CADM2: variants seen among roughly 807,000 people sequenced by gnomAD.
CADM2 encodes cell adhesion molecule 2, also known as immunoglobulin superfamily member 4D.
In CADM2, 12 loss-of-function variants were observed where a neutral mutation model predicts 49.8. That is an observed-to-expected ratio of 0.24 (90% CI 0.15 to 0.39). The LOEUF is 0.39. Ranked by LOEUF, CADM2 falls within the 10% of genes least tolerant of loss-of-function variation. The pLI, the probability that CADM2 is intolerant of heterozygous loss-of-function variation, is 1.00. For missense variants in CADM2, 378 were observed against 492.3 expected (o/e 0.77, Z 2.20); for synonymous variants, 214 against 175.4 (o/e 1.22, Z -1.74).
At chr3:85,855,227 A>G (rs2075261966) in intron 3 of CADM2, among the ~76,000 whole-genome samples, 1 of 152,108 alleles carries the variant, frequency 6.6e-6, no homozygotes, top group Non-Finnish European at 1.5e-5. Flanking sequence ...CCTCACTAGA[A>G]CACAGTAAAA....
intron 1 of CADM2, among the ~76,000 whole-genome samples, chr3:85,014,543 A>G (rs113634379): frequency 1.8e-4 from 28 of 152,086 alleles, no homozygotes; most frequent in African/African-American, 6.5e-4. Context: ...GGTTTGGAAT[A>G]TATCTTCCAT....
intron 1 of CADM2, among the ~76,000 whole-genome samples, chr3:85,627,354 A>AGACTCT (rs1270860922): frequency 6.6e-6 from 1 of 152,008 alleles, no homozygotes; most frequent in East Asian, 1.9e-4. Context: ...TTTCCTTATA[A>AGACTCT]GACTCTGATT....
chr3:85,193,315 C>T lies in CADM2; in HGVS notation c.61+233647C>T, dbSNP rs186204267. Among the ~76,000 whole-genome samples, 8 of 151,842 alleles carry T rather than the reference C, an allele frequency of 5.3e-5. No homozygotes were observed. The East Asian group carries it at 1.6e-3, about 30-fold the overall frequency. On this transcript the variant is annotated intron_variant, in intron 1 of 9. Transcript: ENST00000383699. ...GTGTCTTTATGCTGATGATGATAGA[C>T]TTTAAGGAGTCTATCTAAAAAATTT...
intron 1 of CADM2, among the ~76,000 whole-genome samples, chr3:85,676,553 A>C (rs564294786): frequency 6.6e-6 from 1 of 152,318 alleles, no homozygotes; most frequent in African/African-American, 2.4e-5. Flanking sequence ...CAAAGTTGGT[A>C]ATTAATGACA....
intron 1 of CADM2, among the ~76,000 whole-genome samples, chr3:85,200,094 T>G (rs1255042833): frequency 6.6e-6 from 1 of 152,066 alleles, no homozygotes; most frequent in African/African-American, 2.4e-5. Flanking sequence ...TAAAAGTCAA[T>G]GTGGAGTCTT....
At chr3:85,627,714 C>T (rs1263568046) in intron 1 of CADM2, among the ~76,000 whole-genome samples, 1 of 151,814 alleles carries the variant, frequency 6.6e-6, no homozygotes, top group Non-Finnish European at 1.5e-5. Context: ...AATCCAATGA[C>T]AAAACAAAAC....
chr3:85,769,215 A>G (rs2069857591), intron 2 of CADM2, among the ~76,000 whole-genome samples: 1 of 120,902 alleles, frequency 8.3e-6, no homozygotes, highest in South Asian at 2.4e-4. Context: ...ATATACATAT[A>G]TAGTATATAT....
intron 1 of CADM2, among the ~76,000 whole-genome samples, chr3:85,619,419 A>G (rs1286797699): frequency 6.6e-6 from 1 of 152,100 alleles, no homozygotes; most frequent in Non-Finnish European, 1.5e-5. Flanking sequence ...AATTATTTCT[A>G]ATCAACTGTA....
chr3:85,404,337 T>A (rs962029698), intron 1 of CADM2, among the ~76,000 whole-genome samples: 9 of 152,084 alleles, frequency 5.9e-5, no homozygotes, highest in Admixed American at 3.9e-4. Flanking sequence ...ACAGCTTGTG[T>A]ATTGTGTATG....
intron 1 of CADM2, among the ~76,000 whole-genome samples, chr3:84,971,449 T>G (rs1333435026): frequency 6.6e-6 from 1 of 152,158 alleles, no homozygotes; most frequent in Non-Finnish European, 1.5e-5. Context: ...ATAGAAATGC[T>G]AGGGATGAGG....
intron 5 of CADM2, among the ~76,000 whole-genome samples, chr3:85,901,798 C>G (rs1233548381): frequency 1.3e-5 from 2 of 152,078 alleles, no homozygotes; most frequent in Non-Finnish European, 2.9e-5. Flanking sequence ...CCGACTTTCC[C>G]CCAACTGTCT....
At position 85,568,453 on chromosome 3, in the gene CADM2, T is replaced by TTCTCTTTCTCTCTCTCTC. The variant is rs1559915924; in HGVS notation, c.62-158066_62-158065insCTTTCTCTCTCTCTCTCT. On this transcript the variant is annotated intron_variant, in intron 1 of 9. Coordinates refer to ENST00000383699, the MANE Select transcript of CADM2 (RefSeq NM_001167675.2). ...TTTCTTTCTTTCTTTCTTTCTTTCT[T>TTCTCTTTCTCTCTCTCTC]TCTTTCTTTCTCTTTCTCTCTCTTT... Among the ~76,000 whole-genome samples, 3 of 27,566 alleles carry TTCTCTTTCTCTCTCTCTC rather than the reference T, an allele frequency of 1.1e-4. 1 individual carries two copies. Among genetic ancestry groups the TTCTCTTTCTCTCTCTCTC allele is most frequent in the African/African-American group, 2.7e-4 (3 of 10,946 alleles). 18.1% of individuals were successfully genotyped at this position (27,566 alleles called of 152,430 possible). A position where few individuals can be genotyped will look rare whatever the true frequency, so the allele number is the denominator to read the frequency against.
At chr3:85,634,790 T>C (rs574119367) in intron 1 of CADM2, among the ~76,000 whole-genome samples, 1 of 152,256 alleles carries the variant, frequency 6.6e-6, no homozygotes, top group East Asian at 1.9e-4. Flanking sequence ...GACTTTCTGA[T>C]AAGACAAAGG....
At chr3:85,814,263 T>G (rs113990929) in intron 3 of CADM2, among the ~76,000 whole-genome samples, 7,061 of 152,172 alleles carry the variant, frequency 0.046, 528 homozygotes, top group African/African-American at 0.16. Context: ...TTCATATACC[T>G]TATATGTTTT....
chr3:85,941,156 G>A (rs956045789), intron 7 of CADM2, among the ~76,000 whole-genome samples: 8 of 152,010 alleles, frequency 5.3e-5, no homozygotes, highest in African/African-American at 1.9e-4. Flanking sequence ...CGGCCTCCAA[G>A]TAATTGTATA....
chr3:85,447,654 T>C (rs2037532410), intron 1 of CADM2, among the ~76,000 whole-genome samples: 1 of 152,206 alleles, frequency 6.6e-6, no homozygotes, highest in African/African-American at 2.4e-5. Context: ...GACGAAATTT[T>C]TATTACCTAC....
At chr3:85,962,762 C>T (rs945764135) in intron 8 of CADM2, among the ~76,000 whole-genome samples, 3 of 151,838 alleles carry the variant, frequency 2.0e-5, no homozygotes, top group Non-Finnish European at 2.9e-5. Context: ...AGATTTTCAT[C>T]ATATTTCACC....
intron 2 of CADM2, 84 bp from the exon 3 acceptor site, chr3:85,801,963 A>G (rs2108076172): frequency 9.1e-7 from 1 of 1,095,742 alleles, no homozygotes; most frequent in Non-Finnish European, 1.3e-6. Context: ...ATTTTGCATG[A>G]GAAGTTAAGG....
chr3:85,520,798 G>A (rs568841075), intron 1 of CADM2, among the ~76,000 whole-genome samples: 11 of 152,150 alleles, frequency 7.2e-5, no homozygotes, highest in Non-Finnish European at 1.3e-4. Context: ...GGACATGCAT[G>A]TTTTTAAGTA....
Sources: gnomAD v4.1 joint callset for allele counts (sites outside exome capture counted in the v4.1 genomes callset) on GRCh38, gnomAD v4.1.1 for gene constraint, MANE v1.5 for transcripts, NCBI Gene and HGNC (gene_info 2026-07-23, HGNC 2026-07-21) for gene names.